The following ARHGAP26 variants were observed in gnomAD, a reference collection of about 807,000 sequenced individuals.
ARHGAP26 encodes Rho GTPase activating protein 26, also known as rho GTPase-activating protein 26.
A neutral mutation model predicts 104.8 loss-of-function variants in ARHGAP26; 38 were observed. The ratio of observed to expected loss-of-function variants is 0.36; its 90% confidence interval spans 0.28 to 0.48. The LOEUF (loss-of-function observed/expected upper bound fraction) is 0.48. Among genes scored for constraint, ARHGAP26 ranks in the 20% least tolerant of loss-of-function variants. The pLI, the probability that ARHGAP26 is intolerant of heterozygous loss-of-function variation, is 0.99. For missense variants in ARHGAP26, 704 were observed against 947.9 expected (o/e 0.74, Z 3.38); for synonymous variants, 341 against 340.0 (o/e 1.00, Z -0.03).
chr5:142,857,842 G>A (rs556271406), intron 1 of ARHGAP26, among the ~76,000 whole-genome samples: 1 of 152,238 alleles, frequency 6.6e-6, no homozygotes, highest in East Asian at 1.9e-4. Context: ...ATTACCTGCA[G>A]TGTCTTTCTG....
intron 1 of ARHGAP26, among the ~76,000 whole-genome samples, chr5:142,796,744 C>T (rs917072767): frequency 2.0e-5 from 3 of 152,236 alleles, no homozygotes; most frequent in Non-Finnish European, 4.4e-5. Flanking sequence ...TGCTCCAGTC[C>T]TGAATCTGTT....
chr5:143,226,631 C>G lies in ARHGAP26; in HGVS notation c.*4185C>G, dbSNP rs1454789490. 3 of 216,648 alleles carry G rather than the reference C, an allele frequency of 1.4e-5. No homozygotes were observed. The highest frequency in any genetic ancestry group is 1.2e-4 in the Admixed American group (2 of 17,156). The allele number at this position is 216,648 out of a possible 1,614,324, so 13.4% of individuals were successfully genotyped here. A position where few individuals can be genotyped will look rare whatever the true frequency, so the allele number is the denominator to read the frequency against. Reference sequence around the variant, plus strand: ...CAAAATAAACATATATAGGGATGGACCCTGTGCATTGTGGCCTGCCTTGGT... The same window carrying G: ...CAAAATAAACATATATAGGGATGGAGCCTGTGCATTGTGGCCTGCCTTGGT... On this transcript the variant is annotated 3_prime_UTR_variant, in exon 23 of 23. Coordinates refer to ENST00000645722, the MANE Select transcript of ARHGAP26 (RefSeq NM_001135608.3).
chr5:142,875,058 C>T, intron 2 of ARHGAP26, 52 bp from the exon 3 acceptor site: 3 of 1,507,816 alleles, frequency 2.0e-6, no homozygotes, highest in South Asian at 2.3e-5. Context: ...TGGAAAGGCT[C>T]CCCAAGGCCC....
chr5:143,121,935 T>C (rs1183529539), intron 18 of ARHGAP26, among the ~76,000 whole-genome samples: 5 of 152,192 alleles, frequency 3.3e-5, no homozygotes, highest in African/African-American at 7.2e-5. Flanking sequence ...TTCTCTTAAA[T>C]AAAAACTTTG....
At chr5:142,955,657 A>G (rs1275660885) in intron 11 of ARHGAP26, among the ~76,000 whole-genome samples, 1 of 152,260 alleles carries the variant, frequency 6.6e-6, no homozygotes, top group East Asian at 1.9e-4. Context: ...AAGCTCTCCA[A>G]GAAATGACTG....
chr5:142,971,920 G>A (rs868027633), intron 11 of ARHGAP26, among the ~76,000 whole-genome samples: 11 of 152,270 alleles, frequency 7.2e-5, no homozygotes, highest in African/African-American at 2.2e-4. Flanking sequence ...GGTGGCTCAC[G>A]CCTATAATCC....
chr5:142,788,803 C>A (rs1759187764), intron 1 of ARHGAP26, among the ~76,000 whole-genome samples: 1 of 151,478 alleles, frequency 6.6e-6, no homozygotes, highest in South Asian at 2.1e-4. Flanking sequence ...GAACCAATGC[C>A]CCACAGATAC....
At chr5:142,973,749 C>T (rs770748853) in intron 11 of ARHGAP26, among the ~76,000 whole-genome samples, 1 of 152,174 alleles carries the variant, frequency 6.6e-6, no homozygotes, top group Non-Finnish European at 1.5e-5. Context: ...TTCTCTCCCT[C>T]CTCCCAGGCT....
chr5:142,949,215 GAGAGAGGAGAGAGAGA>G (rs1767854045), intron 11 of ARHGAP26, among the ~76,000 whole-genome samples: 1 of 66,892 alleles, frequency 1.5e-5, no homozygotes, highest in African/African-American at 1.3e-4. Flanking sequence ...GAGAGAGAGA[GAGAGAGGAGAGAGAGA>G]GGAGAGAGAG....
chr5:143,046,837 G>A (rs1278699992), intron 14 of ARHGAP26, among the ~76,000 whole-genome samples: 4 of 152,084 alleles, frequency 2.6e-5, no homozygotes, highest in African/African-American at 7.2e-5. Flanking sequence ...TGAAAATTTG[G>A]AGGAATACAA....
chr5:143,196,348 T>C (rs1191575840), intron 20 of ARHGAP26, among the ~76,000 whole-genome samples: 1 of 152,166 alleles, frequency 6.6e-6, no homozygotes, highest in African/African-American at 2.4e-5. Flanking sequence ...ATTCTTGTTT[T>C]TCGCGGTAGT....
At position 143,013,108 on chromosome 5, in the gene ARHGAP26, A is replaced by G. The variant is rs114217038; in HGVS notation, c.1108-972A>G. Among the ~76,000 whole-genome samples the G allele has an allele frequency of 7.1e-3, 1,078 of 152,268 alleles. 19 individuals carry two copies. Among genetic ancestry groups the G allele is most frequent in the African/African-American group, 0.025 (1,038 of 41,548 alleles). On this transcript the variant is annotated intron_variant, in intron 11 of 22. Transcript: ENST00000645722. The stretch of plus-strand genomic sequence containing the variant: ...ATCATATTTACAAACAAATATCTAT[A>G]ATTGACTTTATAAGGAATACTAACT...
At chr5:142,825,193 G>A (rs1766997095) in intron 1 of ARHGAP26, among the ~76,000 whole-genome samples, 1 of 152,220 alleles carries the variant, frequency 6.6e-6, no homozygotes, top group Non-Finnish European at 1.5e-5. Flanking sequence ...ACCAGGTTAT[G>A]TATTGAAAGT....
intron 14 of ARHGAP26, among the ~76,000 whole-genome samples, chr5:143,051,990 G>A (rs1217818378): frequency 6.6e-6 from 1 of 152,132 alleles, no homozygotes; most frequent in Admixed American, 6.6e-5. Context: ...AAGAGGTCAT[G>A]CAAAGCAGAG....
At chr5:143,175,317 A>G (rs1803314307) in intron 20 of ARHGAP26, among the ~76,000 whole-genome samples, 1 of 152,218 alleles carries the variant, frequency 6.6e-6, no homozygotes, top group African/African-American at 2.4e-5. Flanking sequence ...AGCATAAGCA[A>G]AATGCTTAGG....
chr5:143,172,064 A>G (rs1307113159), intron 20 of ARHGAP26, among the ~76,000 whole-genome samples: 3 of 152,228 alleles, frequency 2.0e-5, no homozygotes, highest in African/African-American at 2.4e-5. Context: ...CATCACATAC[A>G]TGCTTGTCCC....
intron 12 of ARHGAP26, among the ~76,000 whole-genome samples, chr5:143,033,473 C>CCA (rs1782176731): frequency 1.3e-5 from 2 of 152,114 alleles, no homozygotes; most frequent in Non-Finnish European, 2.9e-5. Flanking sequence ...TCCTACAGTG[C>CCA]CACACACACA....
chr5:142,996,285 G>A (rs2152770026), intron 11 of ARHGAP26, among the ~76,000 whole-genome samples: 1 of 152,306 alleles, frequency 6.6e-6, no homozygotes, highest in African/African-American at 2.4e-5. Flanking sequence ...CCTGTCAGAA[G>A]TTTGAGACCA....
chr5:142,902,939 C>T (rs1221848602), intron 7 of ARHGAP26, among the ~76,000 whole-genome samples: 1 of 152,156 alleles, frequency 6.6e-6, no homozygotes, highest in Non-Finnish European at 1.5e-5. Flanking sequence ...GGAAATAGAG[C>T]TGTGATGCAG....
Sources: allele counts gnomAD v4.1 joint callset (sites outside exome capture counted in the v4.1 genomes callset), GRCh38; gene constraint gnomAD v4.1.1; transcripts MANE v1.5; gene names NCBI Gene and HGNC (gene_info 2026-07-23, HGNC 2026-07-21).